Variants in PER2 observed in about 807,000 individuals in gnomAD.
PER2 encodes period circadian protein homolog 2.
PER2 carries 66 observed loss-of-function variants against 121.0 expected under a neutral mutation model. The ratio of observed to expected loss-of-function variants is 0.55; its 90% CI spans 0.45 to 0.67. The LOEUF is 0.67. PER2 is among the 30% of genes least tolerant of loss of function. PER2 has a pLI of 0.00. For missense variants in PER2, 1,521 were observed against 1,635.0 expected (o/e 0.93, Z 1.20); for synonymous variants, 684 against 659.9 (o/e 1.04, Z -0.56).
intron 14 of PER2, among the ~76,000 whole-genome samples, chr2:238,259,615 C>G (rs572258987): frequency 6.6e-6 from 1 of 152,352 alleles, no homozygotes; most frequent in South Asian, 2.1e-4. Context: ...CTACTCTGTA[C>G]AGCAAGAACA....
chr2:238,277,841 C>T lies in PER2; in HGVS notation c.96G>A (p.Val32=), dbSNP rs756610806. The change falls in exon 2 of 23, where the codon GTG becomes GTA. Residue 32 remains valine (V), a synonymous_variant. Transcript: ENST00000254657. ...GTCCACTGGAGCCACTGCTCATGTC[C>T]ACATCTTCCTGCAGTGGGACCTGGC... The part of the protein sequence containing the change: ...QPSQVPLQED[V]DMSSGSSGHE... The T allele has an allele frequency of 6.2e-7, 1 of 1,614,226 alleles. No individual in the cohort carries two copies. Among genetic ancestry groups the T allele is most frequent in the South Asian group, 1.1e-5 (1 of 91,086 alleles).
At chr2:238,274,699 G>A (rs979900892) in intron 4 of PER2, among the ~76,000 whole-genome samples, 9 of 152,304 alleles carry the variant, frequency 5.9e-5, no homozygotes, top group South Asian at 2.1e-4. Flanking sequence ...GGCCCAGAGC[G>A]GTGCCCTCCA....
chr2:238,249,660 A>G (rs1481007317), intron 21 of PER2, among the ~76,000 whole-genome samples: 1 of 152,196 alleles, frequency 6.6e-6, no homozygotes, highest in Non-Finnish European at 1.5e-5. Flanking sequence ...CCCCACAAAA[A>G]TCTTATCTGG....
chr2:238,291,650 A>G (rs932482679), upstream of PER2, among the ~76,000 whole-genome samples: 4 of 152,204 alleles, frequency 2.6e-5, no homozygotes, highest in Admixed American at 6.5e-5. Flanking sequence ...GCCTAGGGAC[A>G]TTGGAGATGA....
At position 238,273,118 on chromosome 2, in the gene PER2, G is replaced by A. The variant is rs115349318; in HGVS notation, c.522C>T (p.Thr174=). ...HPCGADVPSY[T]VEEMESVTSE... Reference sequence around the variant, plus strand: ...AGGTAACGCTCTCCATCTCCTCCACGGTGTAGGAGGGCACGTCTGCTCCAC... The same window carrying A: ...AGGTAACGCTCTCCATCTCCTCCACAGTGTAGGAGGGCACGTCTGCTCCAC... Residue 174 remains threonine, a synonymous_variant, in exon 5 of 23, where the codon ACC becomes ACT. Transcript: ENST00000254657. The A allele has an allele frequency of 3.7e-4, 600 of 1,610,542 alleles. 5 individuals are homozygous for A. In the African/African-American group the frequency reaches 3.8e-3, roughly 10 times the overall value.
intron 17 of PER2, 30 bp downstream of exon 17, chr2:238,256,892 G>A (rs200982655): frequency 0.011 from 17,800 of 1,604,142 alleles, 123 homozygotes; most frequent in Non-Finnish European, 0.013. Flanking sequence ...AAATCAAACT[G>A]CTCTCTGATC....
chr2:238,247,681 C>T (rs1036114790), intron 22 of PER2, among the ~76,000 whole-genome samples: 3 of 152,098 alleles, frequency 2.0e-5, no homozygotes, highest in South Asian at 2.1e-4. Flanking sequence ...TGGGCATGTG[C>T]GAAGATCCTG....
Position 238,246,399 on chromosome 2 carries a change from A to T in PER2, c.3744T>A (p.Asn1248Lys). 6.2e-7 allele frequency: 1 copy of T among 1,612,166 alleles called. No homozygotes were observed. The highest frequency in any genetic ancestry group is 8.5e-7 in the Non-Finnish European group (1 of 1,178,942). ...GTTACGTCTGCTCTTCGATCCTGTG[A>T]TTCAAGGGGGATCCATTTTCGTCTT... ...TKEDENGSPL[N>K]HRIEEQT The change falls in exon 23 of 23, where the codon AAT (asparagine) becomes AAA (lysine). Residue 1248 changes from asparagine to lysine, a missense_variant. By Grantham distance (94) the Asn-to-Lys change is moderately conservative. Transcript: ENST00000254657.
chr2:238,284,937 C>T (rs35390666), intron 1 of PER2, among the ~76,000 whole-genome samples: 14,048 of 149,740 alleles, frequency 0.094, 701 homozygotes, highest in South Asian at 0.13. Flanking sequence ...CTGCCCTCCA[C>T]AGATGTGTGC....
chr2:238,263,013 G>A lies in PER2; in HGVS notation c.1092C>T (p.Thr364=), dbSNP rs890417700. 1.9e-6 allele frequency: 3 copies of A among 1,614,066 alleles called. No homozygotes were observed. The highest frequency in any genetic ancestry group is 1.7e-6 in the Non-Finnish European group (2 of 1,179,966). ...LGYLPQDLIE[T]PVLVQLHPSD... The stretch of plus-strand genomic sequence containing the variant: ...TAGGGTGGAGCTGCACGAGCACTGG[G>A]GTTTCAATCAGGTCCTGAGGTAGGT... The change falls in exon 10 of 23, where the codon ACC becomes ACT. Residue 364 remains threonine (T), a synonymous_variant. Transcript: ENST00000254657.
At chr2:238,264,419 C>T (rs555931057) in intron 9 of PER2, among the ~76,000 whole-genome samples, 43 of 152,272 alleles carry the variant, frequency 2.8e-4, no homozygotes, top group Admixed American at 1.1e-3. Flanking sequence ...CATAGAGCCT[C>T]CCCAGGAAGC....
intron 21 of PER2, among the ~76,000 whole-genome samples, 193 bp downstream of exon 21, chr2:238,250,358 G>A (rs1210206163): frequency 2.0e-5 from 3 of 152,270 alleles, no homozygotes; most frequent in African/African-American, 2.4e-5. Flanking sequence ...TGGCCACACT[G>A]CAGGGCCAGG....
intron 1 of PER2, among the ~76,000 whole-genome samples, chr2:238,281,237 C>T (rs1253854818): frequency 6.6e-6 from 1 of 152,110 alleles, no homozygotes; most frequent in East Asian, 1.9e-4. Context: ...CTCTTGACCT[C>T]GTGATCTGCC....
Position 238,253,590 on chromosome 2 carries a change from G to C in PER2, c.2433C>G (p.Thr811=). 6.2e-7 allele frequency: 1 copy of C among 1,609,856 alleles called. No individual in the cohort carries two copies. The highest frequency in any genetic ancestry group is 8.5e-7 in the Non-Finnish European group (1 of 1,178,130). ...GGGCGGACACGGGCCCCCCAGATCC[G>C]GTGCTCTCAGATGAGTCTCGAGGTT... ...RVKPRDSSES[T]GSGGPVSARP... The change falls in exon 19 of 23, where the codon ACC becomes ACG. Residue 811 remains threonine (T), a synonymous_variant. Coordinates refer to ENST00000254657, the MANE Select transcript of PER2 (RefSeq NM_022817.3). This position sits in a 1 kb window ranked among gnomAD's most constrained non-coding sequence, Gnocchi z 5.6.
intron 17 of PER2, among the ~76,000 whole-genome samples, chr2:238,256,611 C>T (rs113464812): frequency 1.3e-5 from 2 of 152,276 alleles, no homozygotes; most frequent in African/African-American, 2.4e-5. Flanking sequence ...GGTGGGGCCT[C>T]GCTCCCAGTG....
At chr2:238,280,578 A>T (rs1323450240) in intron 1 of PER2, among the ~76,000 whole-genome samples, 1 of 152,358 alleles carries the variant, frequency 6.6e-6, no homozygotes, top group Non-Finnish European at 1.5e-5. Flanking sequence ...CCACATTAGA[A>T]TGGAAAACTA....
At chr2:238,260,078 A>G (rs1482493727) in intron 13 of PER2, 25 bp from the exon 14 acceptor site, 2 of 1,047,384 alleles carry the variant, frequency 1.9e-6, no homozygotes, top group Admixed American at 1.9e-5. Flanking sequence ...AAATGAACAC[A>G]TTATTCATTC....
At chr2:238,271,619 G>T in intron 5 of PER2, 106 bp from the exon 6 acceptor site, 1 of 825,818 alleles carries the variant, frequency 1.2e-6, no homozygotes, top group Non-Finnish European at 2.0e-6. Flanking sequence ...GAGCGTTGGA[G>T]GTGGGGGGCT....
At chr2:238,247,810 G>A (rs1177079202) in intron 22 of PER2, among the ~76,000 whole-genome samples, 1 of 152,226 alleles carries the variant, frequency 6.6e-6, no homozygotes, top group Non-Finnish European at 1.5e-5. Flanking sequence ...GGTCAGATGT[G>A]TATGGCTTTG....
Sources: allele counts gnomAD v4.1 joint callset (sites outside exome capture counted in the v4.1 genomes callset), GRCh38; gene constraint gnomAD v4.1.1; non-coding constraint Gnocchi (gnomAD v3.1); transcripts MANE v1.5; gene names NCBI Gene and HGNC (gene_info 2026-07-23, HGNC 2026-07-21).